The following FAM110B variants were observed in gnomAD, a reference collection of about 807,000 sequenced individuals.
FAM110B encodes protein FAM110B.
A neutral mutation model predicts 20.4 loss-of-function variants in FAM110B; 6 were observed. The ratio of observed to expected loss-of-function variants is 0.29; its 90% confidence interval spans 0.16 to 0.58. The LOEUF (loss-of-function observed/expected upper bound fraction) is 0.58. Ranked by LOEUF, FAM110B falls within the 20% of genes least tolerant of loss-of-function variation. FAM110B has a pLI of 0.90. For synonymous variants in FAM110B, 226 were observed against 214.1 expected, an observed-to-expected ratio of 1.06 and a Z score of -0.49; for missense variants, 434 against 498.2, an observed-to-expected ratio of 0.87 and a Z score of 1.23.
At chr8:58,090,174 G>C (rs1239229435) in intron 3 of FAM110B, among the ~76,000 whole-genome samples, 1 of 152,116 alleles carries the variant, frequency 6.6e-6, no homozygotes, top group African/African-American at 2.4e-5. Context: ...GGGGCAGGGG[G>C]GCGGAGACAA....
intron 2 of FAM110B, among the ~76,000 whole-genome samples, chr8:58,059,787 T>C (rs1805619480): frequency 6.6e-6 from 1 of 152,124 alleles, no homozygotes; most frequent in Admixed American, 6.5e-5. Context: ...ACAGTTGATG[T>C]TTTTGCAACT....
chr8:58,132,521 A>G (rs1305854081), intron 3 of FAM110B, among the ~76,000 whole-genome samples: 1 of 152,076 alleles, frequency 6.6e-6, no homozygotes, highest in Non-Finnish European at 1.5e-5. Flanking sequence ...GATGGCCCCG[A>G]GGTGGACAGC....
chr8:58,043,003 G>C (rs1019820232), intron 2 of FAM110B, among the ~76,000 whole-genome samples: 2 of 152,210 alleles, frequency 1.3e-5, no homozygotes, highest in South Asian at 4.1e-4. Flanking sequence ...CAGTGAATGA[G>C]ATAATTTTCC....
At chr8:57,996,814 A>G (rs1275040562) in intron 1 of FAM110B, among the ~76,000 whole-genome samples, 1 of 152,222 alleles carries the variant, frequency 6.6e-6, no homozygotes, top group Non-Finnish European at 1.5e-5. Context: ...AAAGATAAAT[A>G]TGTCTACTGT....
At chr8:58,138,357 G>A (rs1803668541) in intron 3 of FAM110B, among the ~76,000 whole-genome samples, 1 of 152,242 alleles carries the variant, frequency 6.6e-6, no homozygotes, top group East Asian at 1.9e-4. Flanking sequence ...CCCGGCACAT[G>A]TGTGGGCCGA....
chr8:58,092,997 G>A (rs1352699476), intron 3 of FAM110B, among the ~76,000 whole-genome samples: 3 of 152,184 alleles, frequency 2.0e-5, no homozygotes, highest in Admixed American at 6.5e-5. Flanking sequence ...CTAATGATGA[G>A]GGATGATGAA....
chr8:58,039,056 C>A (rs1476553347), intron 2 of FAM110B, among the ~76,000 whole-genome samples: 3 of 152,202 alleles, frequency 2.0e-5, no homozygotes, highest in Admixed American at 1.3e-4. Context: ...TTTGACTGAG[C>A]CTGCAAGATT....
chr8:58,073,269 C>G (rs551419964), intron 2 of FAM110B, among the ~76,000 whole-genome samples: 4 of 152,062 alleles, frequency 2.6e-5, no homozygotes, highest in African/African-American at 9.6e-5. Context: ...TAGGGCTGCA[C>G]GAGGCAGACA....
intron 1 of FAM110B, among the ~76,000 whole-genome samples, chr8:58,009,908 G>A (rs1295611067): frequency 2.0e-5 from 3 of 152,086 alleles, no homozygotes; most frequent in African/African-American, 4.8e-5. Context: ...GAACACTTCT[G>A]TAGGTTTATA....
chr8:58,138,991 A>G (rs1803682918), intron 3 of FAM110B, among the ~76,000 whole-genome samples: 1 of 152,250 alleles, frequency 6.6e-6, no homozygotes, highest in Non-Finnish European at 1.5e-5. Context: ...GTCAAAAGAA[A>G]CAAGACTTTA....
rs1290293699 is a variant in FAM110B, at chr8:58,146,728, C to T, written c.498C>T (p.Tyr166=). ...RHSFAESLKV[Y]PTQGRRSPQE... Reference sequence around the variant, plus strand: ...CCTTCGCGGAGTCCCTGAAGGTCTACCCCACGCAGGGCCGCAGGAGCCCGC... The same window carrying T: ...CCTTCGCGGAGTCCCTGAAGGTCTATCCCACGCAGGGCCGCAGGAGCCCGC... The change falls in exon 4 of 4, where the codon TAC becomes TAT. Residue 166 remains tyrosine, a synonymous_variant. Transcript: ENST00000519262. 3 of 1,612,230 alleles carry T rather than the reference C, an allele frequency of 1.9e-6. No homozygotes were observed. Among genetic ancestry groups the T allele is most frequent in the East Asian group, 4.5e-5 (2 of 44,796 alleles).
At chr8:58,057,103 G>A (rs1305570283) in intron 2 of FAM110B, among the ~76,000 whole-genome samples, 1 of 152,208 alleles carries the variant, frequency 6.6e-6, no homozygotes, top group Non-Finnish European at 1.5e-5. Context: ...CACCATGGCC[G>A]AGGGGTGAGT....
chr8:58,004,279 C>T (rs908690292), intron 1 of FAM110B, among the ~76,000 whole-genome samples: 21 of 152,324 alleles, frequency 1.4e-4, no homozygotes, highest in African/African-American at 5.1e-4. Context: ...TCCTAGATGA[C>T]ATCTTCTTCC....
chr8:58,004,144 A>G (rs1439744523), intron 1 of FAM110B, among the ~76,000 whole-genome samples: 1 of 152,194 alleles, frequency 6.6e-6, no homozygotes, highest in Non-Finnish European at 1.5e-5. Context: ...CACAGTTCAC[A>G]ATAAGGTTCG....
chr8:58,144,326 C>T (rs769714707), intron 3 of FAM110B, among the ~76,000 whole-genome samples: 1 of 152,144 alleles, frequency 6.6e-6, no homozygotes, highest in Non-Finnish European at 1.5e-5. Context: ...CCAGAGGAAT[C>T]GGGGCTCCCT....
chr8:58,138,993 A>C (rs2150641000), intron 3 of FAM110B, among the ~76,000 whole-genome samples: 1 of 152,342 alleles, frequency 6.6e-6, no homozygotes, highest in Non-Finnish European at 1.5e-5. Flanking sequence ...CAAAAGAAAC[A>C]AGACTTTAAA....
At chr8:58,062,984 T>A (rs1303700510) in intron 2 of FAM110B, among the ~76,000 whole-genome samples, 1 of 152,224 alleles carries the variant, frequency 6.6e-6, no homozygotes, top group African/African-American at 2.4e-5. Context: ...GCAAATTGGC[T>A]GACAATTCTG....
chr8:58,046,192 C>T (rs1424279280), intron 2 of FAM110B, among the ~76,000 whole-genome samples: 1 of 152,044 alleles, frequency 6.6e-6, no homozygotes, highest in East Asian at 1.9e-4. Flanking sequence ...GCATGGTGGC[C>T]AAGTTAGCAT....
At chr8:58,059,942 A>AT (rs554589512) in intron 2 of FAM110B, among the ~76,000 whole-genome samples, 321 of 152,008 alleles carry the variant, frequency 2.1e-3, no homozygotes, top group African/African-American at 7.1e-3. Context: ...GCGTTTACTA[A>AT]TTTTTTTTAA....
Sources: gnomAD v4.1 joint callset for allele counts (sites outside exome capture counted in the v4.1 genomes callset) on GRCh38, gnomAD v4.1.1 for gene constraint, MANE v1.5 for transcripts, NCBI Gene and HGNC (gene_info 2026-07-23, HGNC 2026-07-21) for gene names.